Variants in FHIT observed in about 807,000 individuals in gnomAD.
The protein encoded by FHIT is fragile histidine triad diadenosine triphosphatase.
A neutral mutation model predicts 17.9 loss-of-function variants in FHIT; 19 were observed. That is an observed-to-expected ratio of 1.06 (90% confidence interval 0.74 to 1.56). FHIT has a LOEUF of 1.56. Ranked by LOEUF, FHIT falls within the 40% of genes most tolerant of loss-of-function variation. The pLI, the probability that FHIT is intolerant of heterozygous loss-of-function variation, is 0.00. For synonymous variants in FHIT, 81 were observed against 69.7 expected, an observed-to-expected ratio of 1.16 and a Z score of -0.81; for missense variants, 248 against 189.2, an observed-to-expected ratio of 1.31 and a Z score of -1.82.
chr3:60,729,212 C>A (rs2041978507), intron 4 of FHIT, among the ~76,000 whole-genome samples: 1 of 152,150 alleles, frequency 6.6e-6, no homozygotes, highest in Non-Finnish European at 1.5e-5. Flanking sequence ...CTTCAGAAAT[C>A]CAGATTTTTC....
At chr3:60,151,481 AAAAT>A (rs961240761) in intron 5 of FHIT, among the ~76,000 whole-genome samples, 41 of 152,184 alleles carry the variant, frequency 2.7e-4, no homozygotes, top group African/African-American at 9.6e-4. Context: ...ATTCTTTTAA[AAAAT>A]AAATAAACAG....
intron 5 of FHIT, among the ~76,000 whole-genome samples, chr3:60,015,990 AT>A (rs1292176396): frequency 2.0e-5 from 3 of 152,236 alleles, no homozygotes; most frequent in Non-Finnish European, 4.4e-5. Context: ...CACTTTTTAT[AT>A]GCCAATTGTT....
chr3:60,199,826 A>C (rs1702814564), intron 5 of FHIT, among the ~76,000 whole-genome samples: 1 of 152,148 alleles, frequency 6.6e-6, no homozygotes. Flanking sequence ...CTTCTGTGTT[A>C]AGGAGAGAGT....
At chr3:60,071,682 A>G (rs2630202) in intron 5 of FHIT, among the ~76,000 whole-genome samples, 47,983 of 152,040 alleles carry the variant, frequency 0.32, 8,418 homozygotes, top group African/African-American at 0.46. Context: ...GCCCAGACTT[A>G]AGGCTGGGGC....
chr3:61,172,062 A>G (rs2038020949), intron 2 of FHIT, among the ~76,000 whole-genome samples: 2 of 152,288 alleles, frequency 1.3e-5, no homozygotes, highest in Admixed American at 1.3e-4. Flanking sequence ...CATGTCAATC[A>G]TTTTGTTTTG....
chr3:60,615,263 A>G (rs2038917790), intron 4 of FHIT, among the ~76,000 whole-genome samples: 1 of 152,228 alleles, frequency 6.6e-6, no homozygotes, highest in Non-Finnish European at 1.5e-5. Flanking sequence ...TACCAATCAT[A>G]TAATATCAGA....
intron 5 of FHIT, among the ~76,000 whole-genome samples, chr3:60,068,737 A>G (rs867834444): frequency 1.3e-5 from 2 of 152,238 alleles, no homozygotes; most frequent in African/African-American, 4.8e-5. Context: ...AAAATGCTCA[A>G]TGAAACATAA....
chr3:59,910,420 C>G (rs990547689), intron 8 of FHIT, among the ~76,000 whole-genome samples: 14 of 152,184 alleles, frequency 9.2e-5, no homozygotes, highest in African/African-American at 3.1e-4. Context: ...CCCAGCTTGA[C>G]TTTTCCCTGT....
chr3:61,245,667 T>C (rs957093465), intron 1 of FHIT, among the ~76,000 whole-genome samples: 1 of 152,232 alleles, frequency 6.6e-6, no homozygotes, highest in Non-Finnish European at 1.5e-5. Flanking sequence ...TTATCCATAA[T>C]GCATCCATAC....
chr3:61,135,796 C>T (rs575019206), intron 2 of FHIT, among the ~76,000 whole-genome samples: 2 of 151,970 alleles, frequency 1.3e-5, no homozygotes, highest in South Asian at 2.1e-4. Flanking sequence ...TCATCAAATA[C>T]GTGGACTAGA....
At chr3:61,200,492 G>T (rs371574715) in intron 2 of FHIT, 125 bp downstream of exon 2, 1 of 152,646 alleles carries the variant, frequency 6.6e-6, no homozygotes, top group Non-Finnish European at 1.5e-5. Context: ...GGGAGGACAA[G>T]CAGGTGGTTA....
At chr3:61,205,480 C>T (rs2039193941) in intron 1 of FHIT, among the ~76,000 whole-genome samples, 2 of 152,104 alleles carry the variant, frequency 1.3e-5, no homozygotes, top group South Asian at 4.2e-4. Context: ...CTCTCCAGCA[C>T]CTGTTGTTTC....
At chr3:60,180,297 G>C (rs771025343) in intron 5 of FHIT, among the ~76,000 whole-genome samples, 31 of 152,136 alleles carry the variant, frequency 2.0e-4, no homozygotes, top group Non-Finnish European at 3.8e-4. Flanking sequence ...CCCAACTTGT[G>C]CTTATGCTGA....
At chr3:61,082,401 G>T (rs1439076282) in intron 2 of FHIT, among the ~76,000 whole-genome samples, 1 of 152,126 alleles carries the variant, frequency 6.6e-6, no homozygotes, top group South Asian at 2.1e-4. Context: ...GTTGCAACTA[G>T]AAGTAATTGA....
At chr3:60,735,242 C>G (rs1461447244) in intron 4 of FHIT, among the ~76,000 whole-genome samples, 1 of 152,170 alleles carries the variant, frequency 6.6e-6, no homozygotes, top group Non-Finnish European at 1.5e-5. Context: ...AACTGCATAG[C>G]ACAATGGACA....
At chr3:61,207,792 G>T (rs1226010286) in intron 1 of FHIT, among the ~76,000 whole-genome samples, 2 of 151,996 alleles carry the variant, frequency 1.3e-5, no homozygotes, top group Non-Finnish European at 2.9e-5. Context: ...TTAATTTTTT[G>T]AAGGGTTTTT....
intron 4 of FHIT, among the ~76,000 whole-genome samples, chr3:60,575,132 G>A (rs1252099463): frequency 6.6e-6 from 1 of 152,126 alleles, no homozygotes; most frequent in Non-Finnish European, 1.5e-5. Context: ...ATGAGGCAAG[G>A]CAGTAAGTAA....
chr3:60,160,683 G>A (rs982379185), intron 5 of FHIT, among the ~76,000 whole-genome samples: 33 of 152,138 alleles, frequency 2.2e-4, no homozygotes, highest in African/African-American at 7.7e-4. Flanking sequence ...ATTACCAGCT[G>A]TTGTAATGTC....
intron 8 of FHIT, among the ~76,000 whole-genome samples, chr3:59,882,632 G>T (rs911307440): frequency 1.3e-5 from 2 of 152,102 alleles, no homozygotes; most frequent in Admixed American, 1.3e-4. Context: ...GGTACAGAGG[G>T]GTTAAGAGTT....
Sources: allele counts gnomAD v4.1 joint callset (sites outside exome capture counted in the v4.1 genomes callset), GRCh38; gene constraint gnomAD v4.1.1; transcripts MANE v1.5; gene names NCBI Gene and HGNC (gene_info 2026-07-23, HGNC 2026-07-21).